Variants in NLGN1 observed in about 807,000 individuals in gnomAD.
NLGN1 encodes neuroligin-1.
A neutral mutation model predicts 65.5 loss-of-function variants in NLGN1; 12 were observed. The ratio of observed to expected loss-of-function variants is 0.18; its 90% CI spans 0.12 to 0.30. The LOEUF (loss-of-function observed/expected upper bound fraction) is 0.30. Ranked by LOEUF, NLGN1 falls within the 10% of genes least tolerant of loss-of-function variation. The probability of loss-of-function intolerance (pLI) is 1.00; values close to 1 mark genes in which losing one functional copy is unlikely to be tolerated. For synonymous variants in NLGN1, 350 were observed against 359.5 expected (o/e 0.97, Z 0.30); for missense variants, 750 against 1,007.1 (o/e 0.74, Z 3.46).
intron 4 of NLGN1, among the ~76,000 whole-genome samples, chr3:173,976,551 G>C (rs1717513574): frequency 6.6e-6 from 1 of 152,040 alleles, no homozygotes; most frequent in Non-Finnish European, 1.5e-5. Context: ...TTCTCAGTCA[G>C]CATTTTTCCC....
At chr3:173,940,242 C>T (rs1305673285) in intron 4 of NLGN1, among the ~76,000 whole-genome samples, 2 of 151,924 alleles carry the variant, frequency 1.3e-5, no homozygotes, top group Non-Finnish European at 2.9e-5. Context: ...GCATGCACCA[C>T]CACGCCCAGC....
chr3:173,622,227 A>G (rs893697754), intron 3 of NLGN1, among the ~76,000 whole-genome samples: 3 of 152,084 alleles, frequency 2.0e-5, no homozygotes, highest in Admixed American at 6.6e-5. Flanking sequence ...TACAAGGCCA[A>G]TTACAGACTC....
At chr3:174,191,741 C>G (rs1239319913) in intron 4 of NLGN1, among the ~76,000 whole-genome samples, 2 of 152,132 alleles carry the variant, frequency 1.3e-5, no homozygotes, top group African/African-American at 4.8e-5. Context: ...TGCTGTATCC[C>G]AGGCTTCAGG....
chr3:174,171,396 A>C (rs924327272), intron 4 of NLGN1, among the ~76,000 whole-genome samples: 2 of 152,166 alleles, frequency 1.3e-5, no homozygotes, highest in African/African-American at 2.4e-5. Context: ...ATTATTGTGA[A>C]TATGCCCCTT....
chr3:174,272,598 C>A (rs1273371791), intron 4 of NLGN1, among the ~76,000 whole-genome samples: 35 of 151,304 alleles, frequency 2.3e-4, no homozygotes, highest in Non-Finnish European at 1.6e-4. Flanking sequence ...TAAAACCCAG[C>A]GTCGTCCTCT....
chr3:173,580,757 A>T (rs1005237450), intron 2 of NLGN1, among the ~76,000 whole-genome samples: 21 of 152,032 alleles, frequency 1.4e-4, no homozygotes, highest in Admixed American at 5.9e-4. Flanking sequence ...ACACTTAAAC[A>T]TACTGAAAAA....
At chr3:173,643,354 A>G (rs1463996966) in intron 3 of NLGN1, among the ~76,000 whole-genome samples, 1 of 152,202 alleles carries the variant, frequency 6.6e-6, no homozygotes, top group Non-Finnish European at 1.5e-5. Flanking sequence ...AAGAAACACA[A>G]AATAAATGAC....
chr3:173,697,885 A>G (rs992879148), intron 3 of NLGN1, among the ~76,000 whole-genome samples: 2 of 152,160 alleles, frequency 1.3e-5, no homozygotes, highest in African/African-American at 4.8e-5. Context: ...TTTATAGGTC[A>G]GACCCTCTCT....
At chr3:174,185,803 T>TA (rs1207453432) in intron 4 of NLGN1, among the ~76,000 whole-genome samples, 1 of 106,310 alleles carries the variant, frequency 9.4e-6, no homozygotes, top group East Asian at 4.4e-4. Flanking sequence ...AAATAGAAAT[T>TA]AACCAAAAAA....
intron 2 of NLGN1, among the ~76,000 whole-genome samples, chr3:173,594,068 C>T (rs1749022930): frequency 6.6e-6 from 1 of 152,146 alleles, no homozygotes; most frequent in South Asian, 2.1e-4. Flanking sequence ...CATACCATGT[C>T]ATTCTGCCCC....
intron 4 of NLGN1, among the ~76,000 whole-genome samples, chr3:174,218,112 A>G (rs920224585): frequency 6.6e-6 from 1 of 152,052 alleles, no homozygotes; most frequent in African/African-American, 2.4e-5. Flanking sequence ...TTGAATCCAT[A>G]CCACTTAAGT....
intron 3 of NLGN1, among the ~76,000 whole-genome samples, chr3:173,806,501 A>C (rs1716684715): frequency 6.6e-6 from 1 of 152,124 alleles, no homozygotes; most frequent in South Asian, 2.1e-4. Context: ...AAAAAAAGAT[A>C]ATACATTTGA....
At chr3:173,958,699 G>C (rs1266148117) in intron 4 of NLGN1, among the ~76,000 whole-genome samples, 2 of 152,190 alleles carry the variant, frequency 1.3e-5, no homozygotes, top group African/African-American at 2.4e-5. Context: ...TCCCCAGCTT[G>C]AAGGTAGGGC....
chr3:173,648,045 A>G (rs1052501250), intron 3 of NLGN1, among the ~76,000 whole-genome samples: 4 of 152,132 alleles, frequency 2.6e-5, no homozygotes, highest in Admixed American at 6.5e-5. Flanking sequence ...GAAATTGACA[A>G]TCTGAGTTTC....
At chr3:174,161,849 G>A (rs1396050618) in intron 4 of NLGN1, among the ~76,000 whole-genome samples, 1 of 151,816 alleles carries the variant, frequency 6.6e-6, no homozygotes, top group Non-Finnish European at 1.5e-5. Context: ...AAGACTGGGA[G>A]GATCAATTTC....
rs944678867 is a variant in NLGN1 at position 173,769,658 on chromosome 3, A to G, written c.494-38022A>G. Among the ~76,000 whole-genome samples, 8 of 152,238 alleles carry G rather than the reference A, an allele frequency of 5.3e-5. No homozygotes were observed. In the East Asian group the frequency reaches 1.3e-3, roughly 26 times the overall value. On this transcript the variant is annotated intron_variant, in intron 3 of 6. Coordinates refer to ENST00000457714, the Ensembl canonical transcript of NLGN1. ...TCATCCAAGGCCTGGCACAAATTACAGAGGGCAGGATTGGAGATGGAATGT... is the reference window on the plus strand; with the variant it reads ...TCATCCAAGGCCTGGCACAAATTACGGAGGGCAGGATTGGAGATGGAATGT...
intron 2 of NLGN1, among the ~76,000 whole-genome samples, chr3:173,559,104 T>C (rs150620124): frequency 6.6e-6 from 1 of 152,184 alleles, no homozygotes; most frequent in Non-Finnish European, 1.5e-5. Flanking sequence ...TTGGAAGTCA[T>C]TGGGCTGAAG....
intron 4 of NLGN1, among the ~76,000 whole-genome samples, chr3:173,820,176 C>A (rs1719962174): frequency 1.4e-5 from 1 of 70,670 alleles, no homozygotes; most frequent in Admixed American, 1.6e-4. Flanking sequence ...GAGATTCAGT[C>A]TCGAAAAAAA....
intron 4 of NLGN1, among the ~76,000 whole-genome samples, chr3:173,843,368 T>C (rs1388399275): frequency 6.6e-6 from 1 of 152,254 alleles, no homozygotes; most frequent in Non-Finnish European, 1.5e-5. Context: ...TGCAAATTTC[T>C]GCAGCAGGCA....
Sources: allele counts gnomAD v4.1 joint callset (sites outside exome capture counted in the v4.1 genomes callset), GRCh38; gene constraint gnomAD v4.1.1; transcripts MANE v1.5; gene names NCBI Gene and HGNC (gene_info 2026-07-23, HGNC 2026-07-21).